FTCDNL1: variants seen among roughly 807,000 people sequenced by gnomAD.
FTCDNL1 encodes formiminotransferase cyclodeaminase N-terminal like.
FTCDNL1 carries 11 observed loss-of-function variants against 5.9 expected under a neutral mutation model. That is an observed-to-expected ratio of 1.87 (90% CI 1.18 to 3.10). FTCDNL1 has a LOEUF of 3.10. Ranked by LOEUF, FTCDNL1 falls within the 30% of genes most tolerant of loss-of-function variation. FTCDNL1 has a pLI of 0.00. For missense variants in FTCDNL1, 115 were observed against 65.5 expected (o/e 1.76, Z -2.61); for synonymous variants, 58 against 24.8 (o/e 2.34, Z -3.99).
At chr2:199,707,108 A>T in the FTCDNL1 span, among the ~76,000 whole-genome samples, 1 of 152,202 alleles carries the variant, frequency 6.6e-6, no homozygotes, top group Non-Finnish European at 1.5e-5. Context: ...ATGGACACTT[A>T]GTTACTTAAT....
At chr2:199,777,574 A>G (rs1170421595) in intron 3 of FTCDNL1, among the ~76,000 whole-genome samples, 1 of 152,204 alleles carries the variant, frequency 6.6e-6, no homozygotes, top group Non-Finnish European at 1.5e-5. Flanking sequence ...TATTAATCTC[A>G]TCATAAGAAT....
chr2:199,747,615 C>T, the FTCDNL1 span, among the ~76,000 whole-genome samples: 3 of 146,626 alleles, frequency 2.0e-5, no homozygotes, highest in South Asian at 2.2e-4. Flanking sequence ...CTCTGTGTTA[C>T]AGACCTTGGA....
the FTCDNL1 span, among the ~76,000 whole-genome samples, chr2:199,735,082 C>T: frequency 1.5e-5 from 2 of 137,092 alleles, no homozygotes; most frequent in Admixed American, 7.5e-5. Context: ...CTTAAACCCC[C>T]TGATAGTCAA....
intron 3 of FTCDNL1, among the ~76,000 whole-genome samples, chr2:199,798,448 T>C (rs746665795): frequency 6.6e-6 from 1 of 152,128 alleles, no homozygotes; most frequent in East Asian, 1.9e-4. Context: ...AGCTTCCAAA[T>C]TGGGAAAGTG....
chr2:199,799,363 G>A (rs542147210), intron 3 of FTCDNL1, among the ~76,000 whole-genome samples: 3 of 152,258 alleles, frequency 2.0e-5, no homozygotes, highest in African/African-American at 7.2e-5. Flanking sequence ...ACTGCCACTC[G>A]ACTGACACCA....
At chr2:199,813,781 C>T (rs1050087191) in intron 4 of FTCDNL1, among the ~76,000 whole-genome samples, 6 of 151,694 alleles carry the variant, frequency 4.0e-5, no homozygotes, top group East Asian at 1.9e-4. Context: ...CATGGTGGCG[C>T]GTGCCTGTAG....
At chr2:199,663,907 T>C in the FTCDNL1 span, among the ~76,000 whole-genome samples, 2 of 152,098 alleles carry the variant, frequency 1.3e-5, no homozygotes, top group African/African-American at 2.4e-5. Flanking sequence ...ATTGTATCGA[T>C]ATAAATTGAT....
At chr2:199,702,208 T>TA in the FTCDNL1 span, among the ~76,000 whole-genome samples, 1 of 152,068 alleles carries the variant, frequency 6.6e-6, no homozygotes, top group African/African-American at 2.4e-5. Context: ...GGAGATGAAA[T>TA]AATCTGTACA....
At chr2:199,801,265 C>G (rs1235198246) in intron 3 of FTCDNL1, among the ~76,000 whole-genome samples, 1 of 152,174 alleles carries the variant, frequency 6.6e-6, no homozygotes, top group Non-Finnish European at 1.5e-5. Context: ...ATATTCACAA[C>G]TCAACTTCTC....
the FTCDNL1 span, among the ~76,000 whole-genome samples, chr2:199,675,472 ATAAC>A: frequency 6.6e-6 from 1 of 152,212 alleles, no homozygotes; most frequent in East Asian, 1.9e-4. Context: ...ATTAAAATTA[ATAAC>A]TACATTAGCC....
chr2:199,817,783 T>C (rs940728357), intron 4 of FTCDNL1, among the ~76,000 whole-genome samples: 1 of 148,956 alleles, frequency 6.7e-6, no homozygotes, highest in Non-Finnish European at 1.5e-5. Context: ...AAATCAGAAA[T>C]CCCAGTGTGT....
chr2:199,665,961 T>C, the FTCDNL1 span, among the ~76,000 whole-genome samples: 6 of 152,168 alleles, frequency 3.9e-5, no homozygotes, highest in Non-Finnish European at 7.3e-5. Flanking sequence ...AAAGGGCATA[T>C]AGTATGTGCC....
chr2:199,671,754 C>A, the FTCDNL1 span, among the ~76,000 whole-genome samples: 1 of 152,028 alleles, frequency 6.6e-6, no homozygotes, highest in Non-Finnish European at 1.5e-5. Flanking sequence ...GCTTTCCTGG[C>A]AATCTTTTGG....
At chr2:199,665,267 A>T in the FTCDNL1 span, among the ~76,000 whole-genome samples, 1 of 152,144 alleles carries the variant, frequency 6.6e-6, no homozygotes, top group Non-Finnish European at 1.5e-5. Flanking sequence ...CAGTGTCTTT[A>T]GACACCCCAG....
At chr2:199,790,307 G>A (rs1699859103) in intron 3 of FTCDNL1, among the ~76,000 whole-genome samples, 1 of 152,004 alleles carries the variant, frequency 6.6e-6, no homozygotes. Flanking sequence ...AGACCAGCCT[G>A]GCCAACATGG....
At chr2:199,841,179 G>C (rs1261788307) in intron 3 of FTCDNL1, among the ~76,000 whole-genome samples, 1 of 151,110 alleles carries the variant, frequency 6.6e-6, no homozygotes, top group Non-Finnish European at 1.5e-5. Flanking sequence ...AGACCTAATA[G>C]TGATAAAAAT....
the FTCDNL1 span, among the ~76,000 whole-genome samples, chr2:199,713,879 T>C: frequency 1.3e-5 from 2 of 152,188 alleles, no homozygotes; most frequent in Non-Finnish European, 2.9e-5. Flanking sequence ...AGTTCAGTGA[T>C]GCCAGAAATG....
chr2:199,689,554 A>G, the FTCDNL1 span, among the ~76,000 whole-genome samples: 3 of 152,076 alleles, frequency 2.0e-5, no homozygotes, highest in Non-Finnish European at 4.4e-5. Flanking sequence ...CAGCCTTCTC[A>G]TGTGTCTCCT....
chr2:199,847,053 A>G (rs866822651), intron 2 of FTCDNL1, among the ~76,000 whole-genome samples: 5 of 152,206 alleles, frequency 3.3e-5, no homozygotes, highest in African/African-American at 1.2e-4. Context: ...GCCCTACACT[A>G]TTAATTTTAA....
Sources: allele counts gnomAD v4.1 joint callset (sites outside exome capture counted in the v4.1 genomes callset), GRCh38; gene constraint gnomAD v4.1.1; transcripts MANE v1.5; gene names NCBI Gene and HGNC (gene_info 2026-07-23, HGNC 2026-07-21).